The following GABRA5 variants were observed in gnomAD, a reference collection of about 807,000 sequenced individuals.
The protein encoded by GABRA5 is gamma-aminobutyric acid type A receptor subunit alpha5.
A neutral mutation model predicts 47.3 loss-of-function variants in GABRA5; 18 were observed. The observed-to-expected ratio is 0.38, with a 90% CI of 0.26 to 0.56. The LOEUF (loss-of-function observed/expected upper bound fraction) is 0.56. GABRA5 is among the 20% of genes least tolerant of loss of function. The pLI is 0.71. For missense variants in GABRA5, 365 were observed against 599.3 expected (o/e 0.61, Z 4.08); for synonymous variants, 237 against 229.3 (o/e 1.03, Z -0.30).
intron 9 of GABRA5, among the ~76,000 whole-genome samples, chr15:26,942,074 A>G (rs180794610): frequency 4.5e-4 from 68 of 152,306 alleles, no homozygotes; most frequent in African/African-American, 1.5e-3. Flanking sequence ...GGTGGAAGCT[A>G]TGTGAACTGC....
intron 7 of GABRA5, among the ~76,000 whole-genome samples, chr15:26,928,641 A>G (rs1894017517): frequency 6.6e-6 from 1 of 152,168 alleles, no homozygotes; most frequent in African/African-American, 2.4e-5. Flanking sequence ...TGTGAGGACA[A>G]TGAGAAGGCA....
chr15:26,906,695 A>G (rs1893452558), intron 6 of GABRA5, among the ~76,000 whole-genome samples: 1 of 152,170 alleles, frequency 6.6e-6, no homozygotes, highest in Admixed American at 6.6e-5. Context: ...CTTTTGTAGT[A>G]TTTTAAAAAA....
chr15:26,875,965 G>C (rs573630275), intron 3 of GABRA5, among the ~76,000 whole-genome samples: 51 of 152,196 alleles, frequency 3.4e-4, no homozygotes, highest in Non-Finnish European at 2.5e-4. Context: ...CCGAGATGCA[G>C]TGGGGACAGT....
intron 6 of GABRA5, among the ~76,000 whole-genome samples, chr15:26,911,367 G>GCA (rs200540544): frequency 8.1e-6 from 1 of 122,848 alleles, no homozygotes; most frequent in East Asian, 2.3e-4. Flanking sequence ...CACCCTTGCT[G>GCA]CATGCACACA....
chr15:26,928,131 C>T (rs1894004229), intron 7 of GABRA5, among the ~76,000 whole-genome samples: 1 of 152,100 alleles, frequency 6.6e-6, no homozygotes, highest in Non-Finnish European at 1.5e-5. Flanking sequence ...TCTGGATTCA[C>T]GAAAATATGT....
At chr15:26,947,768 C>T (rs539381016) in intron 10 of GABRA5, among the ~76,000 whole-genome samples, 166 bp from the exon 11 acceptor site, 1 of 152,312 alleles carries the variant, frequency 6.6e-6, no homozygotes, top group African/African-American at 2.4e-5. Context: ...TCATAGCTCT[C>T]ATGTGTGCCC....
chr15:26,919,601 C>G (rs916831225), intron 7 of GABRA5, among the ~76,000 whole-genome samples: 1 of 152,042 alleles, frequency 6.6e-6, no homozygotes, highest in Non-Finnish European at 1.5e-5. Flanking sequence ...AATACTTTTG[C>G]CTTTTGACTT....
intron 6 of GABRA5, among the ~76,000 whole-genome samples, chr15:26,906,804 C>A (rs1893455323): frequency 6.6e-6 from 1 of 152,114 alleles, no homozygotes; most frequent in African/African-American, 2.4e-5. Context: ...AAAATAATTC[C>A]ATTTCACGTC....
chr15:26,909,593 TC>T (rs1373505977), intron 6 of GABRA5, among the ~76,000 whole-genome samples: 3 of 152,204 alleles, frequency 2.0e-5, no homozygotes, highest in African/African-American at 7.2e-5. Flanking sequence ...TCTTGCCTCT[TC>T]CGGTTTCTAG....
intron 6 of GABRA5, among the ~76,000 whole-genome samples, chr15:26,887,097 C>G (rs1019897505): frequency 8.5e-5 from 13 of 152,132 alleles, no homozygotes; most frequent in Non-Finnish European, 1.8e-4. Context: ...ATACTTTGAT[C>G]CAGTCATTCC....
intron 6 of GABRA5, among the ~76,000 whole-genome samples, chr15:26,892,487 A>G (rs1441308171): frequency 2.0e-5 from 3 of 152,122 alleles, no homozygotes; most frequent in Admixed American, 1.3e-4. Context: ...CCGCGGACAC[A>G]GGGAAGCTTT....
intron 8 of GABRA5, among the ~76,000 whole-genome samples, chr15:26,937,646 C>T (rs1595434806): frequency 6.6e-6 from 1 of 152,222 alleles, no homozygotes; most frequent in Admixed American, 6.5e-5. Flanking sequence ...CCCCAGTTAC[C>T]TGCTTCCCCA....
At chr15:26,941,686 T>A (rs1287036771) in intron 9 of GABRA5, among the ~76,000 whole-genome samples, 1 of 152,116 alleles carries the variant, frequency 6.6e-6, no homozygotes, top group African/African-American at 2.4e-5. Flanking sequence ...GATCAGGGTG[T>A]TGGCAGGGCT....
intron 7 of GABRA5, among the ~76,000 whole-genome samples, chr15:26,927,230 A>G (rs978920625): frequency 2.6e-5 from 4 of 151,362 alleles, no homozygotes; most frequent in Non-Finnish European, 5.9e-5. Context: ...CAGCCTCCCA[A>G]CTAGCTGGGA....
intron 7 of GABRA5, among the ~76,000 whole-genome samples, chr15:26,926,904 T>C (rs1893973975): frequency 6.6e-6 from 1 of 152,176 alleles, no homozygotes; most frequent in Admixed American, 6.5e-5. Flanking sequence ...TTTTCATCTT[T>C]AACAATGAAC....
At chr15:26,938,060 C>T (rs1159967759) in intron 8 of GABRA5, among the ~76,000 whole-genome samples, 2 of 152,210 alleles carry the variant, frequency 1.3e-5, no homozygotes, top group African/African-American at 2.4e-5. Context: ...AGAAAGAGCT[C>T]TAAGCCCCAG....
chr15:26,948,761 T>C lies in GABRA5; in HGVS notation c.*528T>C, dbSNP rs1180643788. 2 of 154,830 alleles carry C rather than the reference T, an allele frequency of 1.3e-5. No homozygotes were observed. The highest frequency in any genetic ancestry group is 6.3e-5 in the Admixed American group (1 of 15,854). 9.6% of individuals were successfully genotyped at this position (154,830 alleles called of 1,614,324 possible). On this transcript the variant is annotated 3_prime_UTR_variant, in exon 11 of 11. Coordinates refer to ENST00000335625, the MANE Select transcript of GABRA5 (RefSeq NM_000810.4). ...TCTTACTGTTCTGAAATTAGGAAAG[T>C]ACTGCATGATCTTACACGAAGAAAT...
intron 3 of GABRA5, among the ~76,000 whole-genome samples, chr15:26,870,599 G>A (rs534574446): frequency 6.6e-4 from 101 of 152,294 alleles, no homozygotes; most frequent in Non-Finnish European, 1.3e-3. Flanking sequence ...AGCATTGGCC[G>A]TGGCTCTTGC....
chr15:26,933,539 C>A (rs1384406162), intron 7 of GABRA5, among the ~76,000 whole-genome samples: 1 of 152,154 alleles, frequency 6.6e-6, no homozygotes, highest in Admixed American at 6.5e-5. Flanking sequence ...AGTCCTTTTT[C>A]TTCTTTCCTG....
Sources: gnomAD v4.1 joint callset for allele counts (sites outside exome capture counted in the v4.1 genomes callset) on GRCh38, gnomAD v4.1.1 for gene constraint, MANE v1.5 for transcripts, NCBI Gene and HGNC (gene_info 2026-07-23, HGNC 2026-07-21) for gene names.